The following WWOX variants were observed in gnomAD, a reference collection of about 807,000 sequenced individuals.
WWOX encodes the protein WW domain containing oxidoreductase.
In WWOX, 69 loss-of-function variants were observed where a neutral mutation model predicts 46.2. The observed-to-expected ratio is 1.49, with a 90% CI of 1.23 to 1.82. WWOX has a LOEUF of 1.82. Among genes scored for constraint, WWOX ranks in the 40% most tolerant of loss-of-function variants. The probability of loss-of-function intolerance (pLI) is 0.00; values close to 1 mark genes in which losing one functional copy is unlikely to be tolerated. For synonymous variants in WWOX, 359 were observed against 202.6 expected, an observed-to-expected ratio of 1.77 and a Z score of -6.56; for missense variants, 919 against 542.6, an observed-to-expected ratio of 1.69 and a Z score of -6.89.
intron 5 of WWOX, among the ~76,000 whole-genome samples, chr16:78,265,608 G>A (rs1432473303): frequency 6.6e-6 from 1 of 151,586 alleles, no homozygotes; most frequent in Non-Finnish European, 1.5e-5. Flanking sequence ...AGTCTGGGAG[G>A]CGGAGGTTGC....
intron 8 of WWOX, among the ~76,000 whole-genome samples, chr16:78,867,514 G>C: frequency 6.9e-6 from 1 of 145,880 alleles, no homozygotes; most frequent in Non-Finnish European, 1.5e-5. Context: ...GTGTGTGTAT[G>C]TGTGTGTGTT....
intron 8 of WWOX, among the ~76,000 whole-genome samples, chr16:78,864,137 A>T (rs1485178667): frequency 6.6e-6 from 1 of 152,188 alleles, no homozygotes; most frequent in Non-Finnish European, 1.5e-5. Context: ...CTACCTACCT[A>T]ACCACCTACC....
intron 8 of WWOX, among the ~76,000 whole-genome samples, chr16:78,887,281 G>A (rs2044484963): frequency 6.6e-6 from 1 of 151,892 alleles, no homozygotes; most frequent in Admixed American, 6.6e-5. Flanking sequence ...CAATTCCCCT[G>A]TGGATTTCTC....
At chr16:78,118,535 C>A (rs1290365883) in intron 4 of WWOX, among the ~76,000 whole-genome samples, 1 of 152,174 alleles carries the variant, frequency 6.6e-6, no homozygotes, top group Non-Finnish European at 1.5e-5. Flanking sequence ...CAGCCATGCC[C>A]ATTTATTCCC....
chr16:78,843,656 C>T (rs879742058), intron 8 of WWOX, among the ~76,000 whole-genome samples: 2 of 132,632 alleles, frequency 1.5e-5, no homozygotes, highest in East Asian at 2.1e-4. Context: ...CATCGAGGAG[C>T]AAAATAATTC....
intron 5 of WWOX, chr16:78,278,609 A>G (rs769957568): frequency 1.2e-5 from 20 of 1,610,320 alleles, no homozygotes; most frequent in African/African-American, 2.7e-5. Context: ...ACAGAAAACA[A>G]AATACCACCC....
At chr16:79,049,137 C>G (rs961537824) in intron 8 of WWOX, among the ~76,000 whole-genome samples, 34 of 152,208 alleles carry the variant, frequency 2.2e-4, no homozygotes, top group African/African-American at 7.0e-4. Context: ...ATATTTTAGA[C>G]TTTGTGACCC....
intron 5 of WWOX, among the ~76,000 whole-genome samples, chr16:78,357,633 C>G (rs72794067): frequency 0.11 from 15,994 of 152,130 alleles, 1,241 homozygotes; most frequent in East Asian, 0.3. Context: ...TTCAACACAG[C>G]TTTGTGGTGT....
At chr16:78,371,652 AT>A (rs2081691606) in intron 5 of WWOX, among the ~76,000 whole-genome samples, 1 of 151,708 alleles carries the variant, frequency 6.6e-6, no homozygotes, top group Admixed American at 6.6e-5. Flanking sequence ...TTGCTTAATT[AT>A]TTTTCCCTTT....
chr16:78,752,251 G>C (rs1462857880), intron 8 of WWOX, among the ~76,000 whole-genome samples: 1 of 152,192 alleles, frequency 6.6e-6, no homozygotes, highest in Non-Finnish European at 1.5e-5. Context: ...TTGTCTGTCA[G>C]TGTTAGAGAC....
chr16:79,127,185 T>C (rs2150687873), intron 8 of WWOX, among the ~76,000 whole-genome samples: 1 of 152,242 alleles, frequency 6.6e-6, no homozygotes. Flanking sequence ...ATAAAATCCT[T>C]GTATACATAT....
intron 8 of WWOX, among the ~76,000 whole-genome samples, chr16:79,209,319 C>G (rs77979794): frequency 0.089 from 13,585 of 152,200 alleles, 736 homozygotes; most frequent in Middle Eastern, 0.16. Flanking sequence ...AAATACCATT[C>G]CAGTAATGCA....
intron 4 of WWOX, among the ~76,000 whole-genome samples, chr16:78,119,930 C>G (rs2033003794): frequency 6.6e-6 from 1 of 152,066 alleles, no homozygotes; most frequent in Non-Finnish European, 1.5e-5. Flanking sequence ...CCTTGCGAAC[C>G]TTTAGAACGC....
intron 8 of WWOX, among the ~76,000 whole-genome samples, chr16:78,742,460 A>G (rs2049252505): frequency 6.6e-6 from 1 of 152,310 alleles, no homozygotes; most frequent in African/African-American, 2.4e-5. Context: ...GGTTACTGTG[A>G]AAACAGGTTG....
intron 4 of WWOX, among the ~76,000 whole-genome samples, chr16:78,155,230 GAGGA>G (rs2034558411): frequency 6.6e-6 from 1 of 151,652 alleles, no homozygotes; most frequent in South Asian, 2.1e-4. Flanking sequence ...AGGAGAGAAG[GAGGA>G]AGGGAGGGAG....
chr16:78,369,688 G>A (rs9933609), intron 5 of WWOX, among the ~76,000 whole-genome samples: 21,236 of 151,896 alleles, frequency 0.14, 2,209 homozygotes, highest in African/African-American at 0.29. Context: ...GGTCTCTCTC[G>A]GTGGGAGGAT....
chr16:78,797,795 C>T (rs937547497), intron 8 of WWOX, among the ~76,000 whole-genome samples: 1 of 152,140 alleles, frequency 6.6e-6, no homozygotes, highest in Non-Finnish European at 1.5e-5. Context: ...CGAGAACAGT[C>T]TGGGCAACAT....
At chr16:78,988,461 G>A (rs983976082) in intron 8 of WWOX, among the ~76,000 whole-genome samples, 1 of 152,106 alleles carries the variant, frequency 6.6e-6, no homozygotes, top group Non-Finnish European at 1.5e-5. Flanking sequence ...ACAGTTGAAG[G>A]TGCCAGGATG....
intron 8 of WWOX, among the ~76,000 whole-genome samples, chr16:78,803,022 G>A (rs1390236054): frequency 6.7e-6 from 1 of 150,192 alleles, no homozygotes; most frequent in African/African-American, 2.4e-5. Flanking sequence ...GGAATTCATG[G>A]TGCCTTGTAC....
Sources: gnomAD v4.1 joint callset for allele counts (sites outside exome capture counted in the v4.1 genomes callset) on GRCh38, gnomAD v4.1.1 for gene constraint, MANE v1.5 for transcripts, NCBI Gene and HGNC (gene_info 2026-07-23, HGNC 2026-07-21) for gene names.